TSPYL6: variants seen among roughly 807,000 people sequenced by gnomAD.
TSPYL6 encodes the protein TSPY like 6.
For synonymous variants in TSPYL6, 259 were observed against 214.8 expected, an observed-to-expected ratio of 1.21 and a Z score of -1.80; for missense variants, 699 against 531.5, an observed-to-expected ratio of 1.32 and a Z score of -3.10.
chr2:54,255,441 G>C, the TSPYL6 span: 1 of 1,614,044 alleles, frequency 6.2e-7, no homozygotes, highest in Non-Finnish European at 8.5e-7. Context: ...TCTGCTCCAG[G>C]TAGTATTCAT....
Position 54,256,218 on chromosome 2 carries a change from AC to A in TSPYL6, c.-68del, listed in dbSNP as rs1687525639. ...GAGGTAGGTAGCGTCAACGTTCCTC[AC>A]ACAAAATGGCGAGTAAACACCTCGC... On this transcript the variant is annotated 5_prime_UTR_variant, in exon 1 of 1. Transcript: ENST00000317802. The A allele has an allele frequency of 6.6e-7, 1 of 1,522,502 alleles. No homozygotes were observed. Among genetic ancestry groups the A allele is most frequent in the Admixed American group, 2.1e-5 (1 of 47,162 alleles). 94.3% of individuals were successfully genotyped at this position (1,522,502 alleles called of 1,614,324 possible). A position where few individuals can be genotyped will look rare whatever the true frequency, so the allele number is the denominator to read the frequency against.
In TSPYL6 at chr2:54,253,966, A is replaced by T. The variant is rs914003223; in HGVS notation, c.*953T>A. ...TTTGTTTTTTTTAAAGGAAGACAGA[A>T]GAGATTTATGAGAGATGAGAGAAAA... is the stretch of plus-strand genomic sequence containing the variant. On this transcript the variant is annotated 3_prime_UTR_variant, in exon 1 of 1. Coordinates refer to ENST00000317802, the MANE Select transcript of TSPYL6 (RefSeq NM_001003937.3). 6.6e-6 allele frequency: 1 copy of T among 152,188 alleles called. No individual in the cohort carries two copies. The allele number at this position is 152,188 out of a possible 1,614,324, so 9.4% of individuals were successfully genotyped here. A position where few individuals can be genotyped will look rare whatever the true frequency, so the allele number is the denominator to read the frequency against.
Position 54,256,145 on chromosome 2 carries a change from G to C in TSPYL6, c.7C>G (p.Leu3Val). 4 of 1,611,152 alleles carry C rather than the reference G, an allele frequency of 2.5e-6. No homozygotes were observed. The highest frequency in any genetic ancestry group is 1.3e-5 in the African/African-American group (1 of 74,986). The change falls in exon 1 of 1, where the codon CTC (leucine) becomes GTC (valine). Residue 3 changes from leucine to valine, a missense_variant. By Grantham distance (32) the Leu-to-Val change is conservative (BLOSUM62 1). Coordinates refer to ENST00000317802, the MANE Select transcript of TSPYL6 (RefSeq NM_001003937.3). Reference protein sequence around the residue: MSLPESPHSPATL... With the variant: MSVPESPHSPATL... The stretch of plus-strand genomic sequence containing the variant: ...GCGGGGCTGTGAGGACTCTCCGGGA[G>C]GCTCATGTTGGTAGCGGCCAGGGCA...
In TSPYL6 at chr2:54,256,057, G is replaced by A. The variant is rs374531982; in HGVS notation, c.95C>T (p.Ala32Val). ...AAACATATCTGCCATTACCTCTGTC[G>A]CCTTGCTCTTTTCTCGGGACCTCTG... Reference protein sequence around the residue: ...QGQRSREKSKATEVMADMFDG... With the variant: ...QGQRSREKSKVTEVMADMFDG... Residue 32 changes from alanine (A) to valine (V), a missense_variant, in exon 1 of 1, where the codon GCG becomes GTG. Coordinates refer to ENST00000317802, the MANE Select transcript of TSPYL6 (RefSeq NM_001003937.3). 266 of 1,614,146 alleles carry A rather than the reference G, an allele frequency of 1.6e-4. 1 individual carries two copies. In the African/African-American group the frequency reaches 2.1e-3, roughly 13 times the overall value.
In TSPYL6 at chr2:54,254,216, G is replaced by GAGGTCTTTTGGAAGAGGAAC. The variant is rs1233490919; in HGVS notation, c.*683_*702dup. The GAGGTCTTTTGGAAGAGGAAC allele has an allele frequency of 3.9e-5, 6 of 152,466 alleles. No homozygotes were observed. The East Asian group carries it at 9.6e-4, about 24-fold the overall frequency. 9.4% of individuals were successfully genotyped at this position (152,466 alleles called of 1,614,324 possible). A position where few individuals can be genotyped will look rare whatever the true frequency, so the allele number is the denominator to read the frequency against. On this transcript the variant is annotated 3_prime_UTR_variant, in exon 1 of 1. Transcript: ENST00000317802. ...GTGATGAGGGTGGTGGTGGTAAAGAGAGGTCTTTTGGAAGAGGAACAGGTC... is the reference window on the plus strand; with the variant it reads ...GTGATGAGGGTGGTGGTGGTAAAGAGAGGTCTTTTGGAAGAGGAACAGGTCTTTTGGAAGAGGAACAGGTC...
rs1172469616 is a variant in TSPYL6, at chr2:54,253,348, A to C, written c.*1571T>G. The C allele has an allele frequency of 6.6e-6, 1 of 152,246 alleles. No individual in the cohort carries two copies. Among genetic ancestry groups the C allele is most frequent in the Non-Finnish European group, 1.5e-5 (1 of 68,046 alleles). The allele number at this position is 152,246 out of a possible 1,614,324, so 9.4% of individuals were successfully genotyped here. On this transcript the variant is annotated 3_prime_UTR_variant, in exon 1 of 1. Transcript: ENST00000317802. ...CATATCCACATAATGTACAAAAAAG[A>C]AAGACTGATATTATTCCAAATATTT...
In TSPYL6 at chr2:54,255,864, C is replaced by G. The variant is rs61738381; in HGVS notation, c.288G>C (p.Glu96Asp). The stretch of plus-strand genomic sequence containing the variant: ...GCGAGGCAGAGGCCGCTTCTAGGCC[C>G]TCCGCGGGTGGTGGAGTCACTTCCT... ...AGQEVTPPPA[E>D]GLEAASASLT... Residue 96 changes from glutamate (E) to aspartate (D), a missense_variant, in exon 1 of 1, where the codon GAG (glutamate) becomes GAC (aspartate). Glu to Asp is a conservative substitution (Grantham distance 45, BLOSUM62 2). Transcript: ENST00000317802. 1.5e-3 allele frequency: 2,382 copies of G among 1,614,036 alleles called. 30 individuals carry two copies. In the African/African-American group the frequency reaches 0.028, roughly 19 times the overall value.
rs1687341235 is a variant in TSPYL6, at chr2:54,253,628, G to A, written c.*1291C>T. Reference sequence around the variant, plus strand: ...TCCCATCATAACTAGTCAACCCAGTGTAAATTCTAGGCCCGATTTTCCCCT... The same window carrying A: ...TCCCATCATAACTAGTCAACCCAGTATAAATTCTAGGCCCGATTTTCCCCT... On this transcript the variant is annotated 3_prime_UTR_variant, in exon 1 of 1. Transcript: ENST00000317802. The A allele has an allele frequency of 6.6e-6, 1 of 152,220 alleles. No homozygotes were observed. Among genetic ancestry groups the A allele is most frequent in the African/African-American group, 2.4e-5 (1 of 41,442 alleles). 9.4% of individuals were successfully genotyped at this position (152,220 alleles called of 1,614,324 possible). A position where few individuals can be genotyped will look rare whatever the true frequency, so the allele number is the denominator to read the frequency against.
chr2:54,255,296 TG>T, the TSPYL6 span: 3 of 1,614,222 alleles, frequency 1.9e-6, no homozygotes, highest in Non-Finnish European at 2.5e-6. Context: ...CTAGGGTGTC[TG>T]AGCTCCTTCA....
Position 54,256,090 on chromosome 2 carries a change from T to G in TSPYL6, c.62A>C (p.His21Pro). 6.2e-7 allele frequency: 1 copy of G among 1,614,102 alleles called. No individual in the cohort carries two copies. Among genetic ancestry groups the G allele is most frequent in the Non-Finnish European group, 8.5e-7 (1 of 1,180,020 alleles). Residue 21 changes from histidine to proline, a missense_variant, in exon 1 of 1, where the codon CAC (histidine) becomes CCC (proline). By Grantham distance (77) the His-to-Pro change is moderately conservative. Coordinates refer to ENST00000317802, the MANE Select transcript of TSPYL6 (RefSeq NM_001003937.3). ...ATLDYALEDPHQGQRSREKSK... is the reference protein window; with the variant it reads ...ATLDYALEDPPQGQRSREKSK... ...CTTTTCTCGGGACCTCTGGCCCTGG[T>G]GCGGGTCTTCCAGAGCATAGTCGAG...
In TSPYL6 at chr2:54,254,795, A is replaced by G. The variant is rs962360002; in HGVS notation, c.*124T>C. 1.1e-6 allele frequency: 1 copy of G among 946,514 alleles called. No homozygotes were observed. The highest frequency in any genetic ancestry group is 1.6e-6 in the Non-Finnish European group (1 of 640,026). The allele number at this position is 946,514 out of a possible 1,614,324, so 58.6% of individuals were successfully genotyped here. A position where few individuals can be genotyped will look rare whatever the true frequency, so the allele number is the denominator to read the frequency against. On this transcript the variant is annotated 3_prime_UTR_variant, in exon 1 of 1. Coordinates refer to ENST00000317802, the MANE Select transcript of TSPYL6 (RefSeq NM_001003937.3). ...TTCAGGTTGAGAGAACGGAAAGTTT[A>G]AACAGAGGGTACAGGAAAGTCAGAA...
In TSPYL6 at chr2:54,255,098, T is replaced by G. The variant is rs1164173078; in HGVS notation, c.1054A>C (p.Thr352Pro). ...RNRHVICSFFTWFSDHSLPES... is the reference protein window; with the variant it reads ...RNRHVICSFFPWFSDHSLPES... ...GGAAGGCTGTGGTCTGAAAACCAGG[T>G]GAAGAAGCTGCAGATGACATGTCGG... is the stretch of plus-strand genomic sequence containing the variant. Residue 352 changes from threonine to proline, a missense_variant, in exon 1 of 1, where the codon ACC (threonine) becomes CCC (proline). By Grantham distance (38) the Thr-to-Pro change is conservative. Transcript: ENST00000317802. 5.6e-6 allele frequency: 9 copies of G among 1,613,930 alleles called. No homozygotes were observed. Among genetic ancestry groups the G allele is most frequent in the Non-Finnish European group, 6.8e-6 (8 of 1,180,020 alleles).
At position 54,255,319 on chromosome 2, in the gene TSPYL6, G is replaced by C. The variant is rs1687445985; in HGVS notation, c.833C>G (p.Thr278Ser). ...GQDAEMLSYL[T>S]NLEVKELRHP... ...TCTGAGCTCCTTCACTTCCAAATTG[G>C]TTAAGTAGCTTAACATCTCGGCATC... Residue 278 changes from threonine to serine, a missense_variant, in exon 1 of 1, where the codon ACC becomes AGC. Coordinates refer to ENST00000317802, the MANE Select transcript of TSPYL6 (RefSeq NM_001003937.3). The C allele has an allele frequency of 6.2e-7, 1 of 1,614,130 alleles. No homozygotes were observed.
rs76397255 is a variant in TSPYL6 at position 54,255,566 on chromosome 2, GGGGCCC to G, written c.580_585del (p.Gly194_Pro195del). ...GGGTTCAGGTGGAGACCCACGTTCA[GGGGCCC>G]GGGCCCGGGCCCAGGCCCTGCCTCC... On this transcript the variant is annotated inframe_deletion, in exon 1 of 1. Transcript: ENST00000317802. 233,680 of 1,612,874 alleles carry G rather than the reference GGGGCCC, an allele frequency of 0.14. 17,278 individuals are homozygous for G. The highest frequency in any genetic ancestry group is 0.19 in the African/African-American group (14,371 of 74,724).
rs1687458304 is a variant in TSPYL6, at chr2:54,255,496, G to C, written c.656C>G (p.Ala219Gly). The change falls in exon 1 of 1, where the codon GCT (alanine) becomes GGT (glycine). Residue 219 changes from alanine to glycine, a missense_variant. Transcript: ENST00000317802. ...QLELDSVNAEADRALLQVERR... is the reference protein window; with the variant it reads ...QLELDSVNAEGDRALLQVERR... ...CTCCACCTGCAGGAGCGCCCTGTCA[G>C]CCTCTGCATTCACGGAGTCCAGTTC... The C allele has an allele frequency of 6.2e-7, 1 of 1,614,022 alleles. No homozygotes were observed.
Position 54,256,017 on chromosome 2 carries a change from C to T in TSPYL6, c.135G>A (p.Glu45=). 1 of 1,614,190 alleles carries T rather than the reference C, an allele frequency of 6.2e-7. No homozygotes were observed. The highest frequency in any genetic ancestry group is 8.5e-7 in the Non-Finnish European group (1 of 1,180,036). ...VMADMFDGRL[E]PIVFPPPRLP... ...GCCGGGGCGGTGGGAACACGATTGG[C>T]TCCAAGCGGCCATCAAACATATCTG... The change falls in exon 1 of 1, where the codon GAG becomes GAA. Residue 45 remains glutamate, a synonymous_variant. Transcript: ENST00000317802.
chr2:54,256,041 T>G lies in TSPYL6; in HGVS notation c.111A>C (p.Ala37=), dbSNP rs536180436. Residue 37 remains alanine (A), a synonymous_variant, in exon 1 of 1, where the codon GCA becomes GCC. Coordinates refer to ENST00000317802, the MANE Select transcript of TSPYL6 (RefSeq NM_001003937.3). ...GCTCCAAGCGGCCATCAAACATATC[T>G]GCCATTACCTCTGTCGCCTTGCTCT... is the stretch of plus-strand genomic sequence containing the variant. ...REKSKATEVM[A]DMFDGRLEPI... The G allele has an allele frequency of 6.2e-6, 10 of 1,614,126 alleles. No individual in the cohort carries two copies. In the East Asian group the frequency reaches 1.8e-4, roughly 29 times the overall value.
rs776099826 is a variant in TSPYL6 at position 54,256,169 on chromosome 2, C to T, written c.-18G>A. 14 of 1,600,636 alleles carry T rather than the reference C, an allele frequency of 8.7e-6. No homozygotes were observed. The highest frequency in any genetic ancestry group is 1.7e-4 in the Middle Eastern group (1 of 5,970). ...AGGCTCATGTTGGTAGCGGCCAGGG[C>T]AGCAGTGGGTAGAGGCCAGGCCAGA... is the stretch of plus-strand genomic sequence containing the variant. On this transcript the variant is annotated 5_prime_UTR_variant, in exon 1 of 1. Coordinates refer to ENST00000317802, the MANE Select transcript of TSPYL6 (RefSeq NM_001003937.3).
Position 54,254,417 on chromosome 2 carries a change from AGG to A in TSPYL6, c.*500_*501del. 1 of 154,306 alleles carries A rather than the reference AGG, an allele frequency of 6.5e-6. No homozygotes were observed. Among genetic ancestry groups the A allele is most frequent in the Non-Finnish European group, 1.4e-5 (1 of 69,584 alleles). 9.6% of individuals were successfully genotyped at this position (154,306 alleles called of 1,614,324 possible). On this transcript the variant is annotated 3_prime_UTR_variant, in exon 1 of 1. Transcript: ENST00000317802. ...CAGGCAGCAATAGGTGACCAGTCTC[AGG>A]AAAAGTAATGGGGTCCCATAATTCA...
Sources: gnomAD v4.1 joint callset for allele counts on GRCh38, gnomAD v4.1.1 for gene constraint, MANE v1.5 for transcripts, NCBI Gene and HGNC (gene_info 2026-07-23, HGNC 2026-07-21) for gene names.